The following GABRA4 variants were observed in gnomAD, a reference collection of about 807,000 sequenced individuals.
The protein encoded by GABRA4 is gamma-aminobutyric acid receptor subunit alpha-4.
GABRA4 carries 12 observed loss-of-function variants against 49.7 expected under a neutral mutation model. The ratio of observed to expected loss-of-function variants is 0.24; its 90% CI spans 0.15 to 0.39. GABRA4 has a LOEUF of 0.39. Among genes scored for constraint, GABRA4 ranks in the 10% least tolerant of loss-of-function variants. The probability of loss-of-function intolerance (pLI) is 1.00; values close to 1 mark genes in which losing one functional copy is unlikely to be tolerated. For missense variants in GABRA4, 506 were observed against 686.0 expected (o/e 0.74, Z 2.93); for synonymous variants, 288 against 240.2 (o/e 1.20, Z -1.84).
intron 2 of GABRA4, among the ~76,000 whole-genome samples, chr4:46,985,232 A>C (rs1484656328): frequency 6.6e-6 from 1 of 152,064 alleles, no homozygotes; most frequent in African/African-American, 2.4e-5. Context: ...CAGTCAACCT[A>C]AAATGACATT....
intron 2 of GABRA4, among the ~76,000 whole-genome samples, chr4:46,991,307 T>C (rs1315209285): frequency 1.3e-5 from 2 of 152,232 alleles, no homozygotes; most frequent in Non-Finnish European, 2.9e-5. Flanking sequence ...CATCCTATCA[T>C]TGATGTACTA....
intron 6 of GABRA4, 117 bp from the exon 7 acceptor site, chr4:46,971,352 G>T: frequency 1.1e-6 from 1 of 872,218 alleles, no homozygotes; most frequent in Non-Finnish European, 1.9e-6. Flanking sequence ...TCTCTTTTGT[G>T]CATAGCTACA....
At position 46,926,727 on chromosome 4, in the gene GABRA4, C is replaced by T. The variant is rs1379839372; in HGVS notation, c.*1498G>A. ...AATCTAGAGGCAATATGACAAAAAA[C>T]CATACTTAGATTCAGCTGCATAGAC... On this transcript the variant is annotated 3_prime_UTR_variant, in exon 9 of 9. Transcript: ENST00000264318. The T allele has an allele frequency of 6.6e-6, 1 of 151,768 alleles. No homozygotes were observed. The highest frequency in any genetic ancestry group is 6.6e-5 in the Admixed American group (1 of 15,192). 9.4% of individuals were successfully genotyped at this position (151,768 alleles called of 1,614,324 possible).
At chr4:46,982,768 G>A (rs144035024) in intron 2 of GABRA4, among the ~76,000 whole-genome samples, 148 of 152,030 alleles carry the variant, frequency 9.7e-4, no homozygotes, top group Non-Finnish European at 1.9e-3. Context: ...TCTGACAATG[G>A]TATTGACAAT....
intron 8 of GABRA4, among the ~76,000 whole-genome samples, chr4:46,955,322 G>A (rs2109362676): frequency 6.6e-6 from 1 of 152,150 alleles, no homozygotes; most frequent in Admixed American, 6.5e-5. Context: ...TTATGGAAAA[G>A]GAAAGAACCT....
intron 8 of GABRA4, among the ~76,000 whole-genome samples, chr4:46,931,288 A>C (rs1721426369): frequency 6.6e-6 from 1 of 152,104 alleles, no homozygotes; most frequent in Admixed American, 6.6e-5. Context: ...AGTACGTAGA[A>C]GTTCCTGTCT....
At chr4:46,972,177 G>T (rs1027362012) in intron 6 of GABRA4, among the ~76,000 whole-genome samples, 4 of 151,498 alleles carry the variant, frequency 2.6e-5, no homozygotes, top group Admixed American at 2.0e-4. Context: ...CTACTGTATT[G>T]TTTCATAATT....
At chr4:46,972,500 G>T (rs1312627886) in intron 6 of GABRA4, among the ~76,000 whole-genome samples, 1 of 151,452 alleles carries the variant, frequency 6.6e-6, no homozygotes, top group East Asian at 1.9e-4. Context: ...AGCTTGATGA[G>T]TTTGGAGATA....
At position 46,921,845 on chromosome 4, in the gene GABRA4, A is replaced by G. The variant is rs1195363709; in HGVS notation, c.*6380T>C. On this transcript the variant is annotated 3_prime_UTR_variant, in exon 9 of 9. Coordinates refer to ENST00000264318, the MANE Select transcript of GABRA4 (RefSeq NM_000809.4). Reference sequence around the variant, plus strand: ...ATTAACAAGTAATTGATGACAAACTATAGTCAGCAGCTTTTAAGTAGGTAG... The same window carrying G: ...ATTAACAAGTAATTGATGACAAACTGTAGTCAGCAGCTTTTAAGTAGGTAG... 3.3e-5 allele frequency: 5 copies of G among 152,166 alleles called. No individual in the cohort carries two copies. The highest frequency in any genetic ancestry group is 4.4e-5 in the Non-Finnish European group (3 of 68,030). 9.4% of individuals were successfully genotyped at this position (152,166 alleles called of 1,614,324 possible). A position where few individuals can be genotyped will look rare whatever the true frequency, so the allele number is the denominator to read the frequency against.
rs536796870 is a variant in GABRA4, at chr4:46,955,553, C to A, written c.1134+9417G>T. On this transcript the variant is annotated intron_variant, in intron 8 of 8. Transcript: ENST00000264318. ...TACAATGTATTATTACCCCTTCTAC[C>A]TCTCCTTCACAGCATTTTTGTCACT... Among the ~76,000 whole-genome samples, 13 of 152,104 alleles carry A rather than the reference C, an allele frequency of 8.5e-5. No homozygotes were observed. The South Asian group carries it at 2.7e-3, about 32-fold the overall frequency.
At chr4:46,984,199 A>G (rs980219262) in intron 2 of GABRA4, among the ~76,000 whole-genome samples, 1 of 152,026 alleles carries the variant, frequency 6.6e-6, no homozygotes, top group Non-Finnish European at 1.5e-5. Context: ...CTCATTTTCC[A>G]TATTGCCTCC....
At chr4:46,969,426 G>C (rs1427532716) in intron 7 of GABRA4, among the ~76,000 whole-genome samples, 1 of 151,482 alleles carries the variant, frequency 6.6e-6, no homozygotes, top group Non-Finnish European at 1.5e-5. Flanking sequence ...TTCTTGCCTA[G>C]TCAGAGTGCT....
At chr4:46,963,828 C>T (rs1405330125) in intron 8 of GABRA4, among the ~76,000 whole-genome samples, 1 of 151,644 alleles carries the variant, frequency 6.6e-6, no homozygotes, top group Non-Finnish European at 1.5e-5. Flanking sequence ...TAAATTAGTA[C>T]AACCACTATG....
At position 46,921,240 on chromosome 4, in the gene GABRA4, A is replaced by G. The variant is rs1721017708; in HGVS notation, c.*6985T>C. 6.6e-6 allele frequency: 1 copy of G among 151,858 alleles called. No homozygotes were observed. Among genetic ancestry groups the G allele is most frequent in the South Asian group, 2.1e-4 (1 of 4,830 alleles). The allele number at this position is 151,858 out of a possible 1,614,324, so 9.4% of individuals were successfully genotyped here. Reference sequence around the variant, plus strand: ...ATCGTTATCCAAAAAGAAATTAAAAACGTTTATACTTATAATTAAAGGAAT... The same window carrying G: ...ATCGTTATCCAAAAAGAAATTAAAAGCGTTTATACTTATAATTAAAGGAAT... On this transcript the variant is annotated 3_prime_UTR_variant, in exon 9 of 9. Transcript: ENST00000264318.
intron 8 of GABRA4, among the ~76,000 whole-genome samples, chr4:46,931,454 T>C (rs573348306): frequency 6.6e-4 from 100 of 152,262 alleles, no homozygotes; most frequent in South Asian, 1.9e-3. Flanking sequence ...TAGACCAGTA[T>C]GCTTCTGGAA....
intron 5 of GABRA4, 110 bp downstream of exon 5, chr4:46,976,951 T>G (rs975115805): frequency 6.6e-6 from 4 of 609,742 alleles, no homozygotes; most frequent in Admixed American, 6.7e-5. Context: ...GGACAGTTTT[T>G]GTTATGGACC....
intron 7 of GABRA4, among the ~76,000 whole-genome samples, chr4:46,966,406 C>T (rs556114089): frequency 1.3e-3 from 202 of 151,676 alleles, no homozygotes; most frequent in Admixed American, 4.1e-3. Context: ...ATAATGAGTC[C>T]GATGCAATAT....
intron 3 of GABRA4, 55 bp from the exon 4 acceptor site, chr4:46,977,685 G>T: frequency 8.3e-7 from 1 of 1,211,200 alleles, no homozygotes. Context: ...ACATAAGTAT[G>T]TGAAAATAAT....
intron 8 of GABRA4, among the ~76,000 whole-genome samples, chr4:46,942,535 G>A (rs995308135): frequency 6.6e-6 from 1 of 151,334 alleles, no homozygotes; most frequent in African/African-American, 2.4e-5. Context: ...TGAGGCATGA[G>A]AATTGCTTGA....
Sources: gnomAD v4.1 joint callset for allele counts (sites outside exome capture counted in the v4.1 genomes callset) on GRCh38, gnomAD v4.1.1 for gene constraint, MANE v1.5 for transcripts, NCBI Gene and HGNC (gene_info 2026-07-23, HGNC 2026-07-21) for gene names.